SNX9: variants seen among roughly 807,000 people sequenced by gnomAD.
The protein encoded by SNX9 is sorting nexin 9.
Under a neutral mutation model 89.4 loss-of-function variants are expected in SNX9, and 44 were observed. That is an observed-to-expected ratio of 0.49 (90% CI 0.39 to 0.63). SNX9 has a LOEUF of 0.63. SNX9 is among the 30% of genes least tolerant of loss of function. SNX9 has a pLI of 0.00. For synonymous variants in SNX9, 236 were observed against 247.8 expected (o/e 0.95, Z 0.45); for missense variants, 578 against 736.1 (o/e 0.79, Z 2.49).
rs189884629 is a variant in SNX9, at chr6:157,919,560, T to A, written c.950-1971T>A. On this transcript the variant is annotated intron_variant, in intron 9 of 17. Coordinates refer to ENST00000392185, the MANE Select transcript of SNX9 (RefSeq NM_016224.5). ...TCCAGAATTTCCATGTGATTCTTTT[T>A]TGGTAACTTCTCTCTCCTTTTTGAA... Among the ~76,000 whole-genome samples the A allele has an allele frequency of 2.0e-5, 3 of 152,330 alleles. No homozygotes were observed. The East Asian group carries it at 5.8e-4, about 29-fold the overall frequency.
At chr6:157,925,429 A>G (rs1353298726) in intron 10 of SNX9, among the ~76,000 whole-genome samples, 10 of 152,050 alleles carry the variant, frequency 6.6e-5, no homozygotes. Flanking sequence ...AAAGTTTGGC[A>G]TTTACTGAAG....
At chr6:157,892,621 GAACA>G (rs1782887387) in intron 4 of SNX9, 4 of 152,186 alleles carry the variant, frequency 2.6e-5, no homozygotes. Context: ...GATTTTCAAA[GAACA>G]ATTATTTGTT....
Position 157,935,400 on chromosome 6 carries a change from C to T in SNX9, c.1367-564C>T, listed in dbSNP as rs112880879. On this transcript the variant is annotated intron_variant, in intron 13 of 17. Transcript: ENST00000392185. ...CTGATCAGGCCTCTAGGTCTAATAG[C>T]CAGTGTGAAGAGAACACAGGGACAG... Among the ~76,000 whole-genome samples the T allele has an allele frequency of 2.6e-3, 393 of 152,178 alleles. 2 individuals carry two copies. Among genetic ancestry groups the T allele is most frequent in the African/African-American group, 9.1e-3 (377 of 41,498 alleles).
intron 6 of SNX9, among the ~76,000 whole-genome samples, chr6:157,902,790 C>T (rs1280882389): frequency 6.6e-6 from 1 of 152,116 alleles, no homozygotes; most frequent in East Asian, 1.9e-4. Context: ...GCCTCAGCCA[C>T]CTGAGTAGCT....
chr6:157,891,286 C>T (rs1782854770), intron 4 of SNX9, among the ~76,000 whole-genome samples: 1 of 152,054 alleles, frequency 6.6e-6, no homozygotes, highest in Non-Finnish European at 1.5e-5. Flanking sequence ...GCCTCAGCCT[C>T]CCAAAATGTT....
At chr6:157,846,372 A>G (rs1385197629) in intron 1 of SNX9, among the ~76,000 whole-genome samples, 1 of 152,270 alleles carries the variant, frequency 6.6e-6, no homozygotes, top group African/African-American at 2.4e-5. Context: ...CTGTGAATCT[A>G]GAAAAGAAAT....
chr6:157,883,516 G>A lies in SNX9; in HGVS notation c.300+8340G>A, dbSNP rs925680914. 3.3e-5 allele frequency among the ~76,000 whole-genome samples: 5 copies of A among 152,144 alleles called. No individual in the cohort carries two copies. In the East Asian group the frequency reaches 9.6e-4, roughly 29 times the overall value. On this transcript the variant is annotated intron_variant, in intron 4 of 17. Coordinates refer to ENST00000392185, the MANE Select transcript of SNX9 (RefSeq NM_016224.5). ...GCAGACGCTGAACGGTTCATGGTAG[G>A]GAAACTGTAGAAGAAATTCATCTGA...
intron 12 of SNX9, among the ~76,000 whole-genome samples, chr6:157,929,426 A>G (rs1783763579): frequency 6.6e-6 from 1 of 152,186 alleles, no homozygotes; most frequent in South Asian, 2.1e-4. Flanking sequence ...CTGCGACTGC[A>G]CTGCTGTCCC....
chr6:157,879,192 T>A (rs2115146382), intron 4 of SNX9, among the ~76,000 whole-genome samples: 1 of 152,314 alleles, frequency 6.6e-6, no homozygotes, highest in East Asian at 1.9e-4. Context: ...GAACGCAGGT[T>A]TCTGGGCAAG....
At chr6:157,881,528 G>C (rs1782623541) in intron 4 of SNX9, among the ~76,000 whole-genome samples, 1 of 152,156 alleles carries the variant, frequency 6.6e-6, no homozygotes, top group African/African-American at 2.4e-5. Flanking sequence ...CTTGTCAAAA[G>C]CTGAAGCAGG....
chr6:157,842,396 T>G lies in SNX9; in HGVS notation c.12+18950T>G, dbSNP rs9364671. On this transcript the variant is annotated intron_variant, in intron 1 of 17. Transcript: ENST00000392185. ...TCCAGTGCTCTTATCAAAATCCTCA[T>G]GATGCAACTGCCCAATGGGTTCACC... 9.7e-4 allele frequency among the ~76,000 whole-genome samples: 148 copies of G among 152,256 alleles called. 6 individuals carry two copies. The South Asian group carries it at 0.023, about 24-fold the overall frequency.
intron 10 of SNX9, among the ~76,000 whole-genome samples, chr6:157,923,762 G>C (rs947116434): frequency 2.0e-5 from 3 of 152,200 alleles, no homozygotes; most frequent in African/African-American, 7.2e-5. Context: ...CCAACCAGTA[G>C]AGCAGAGTAG....
At chr6:157,905,384 T>G (rs187758883) in intron 6 of SNX9, among the ~76,000 whole-genome samples, 1 of 152,206 alleles carries the variant, frequency 6.6e-6, no homozygotes, top group East Asian at 1.9e-4. Context: ...AAAAGAAAAA[T>G]TCTAAAACCC....
intron 15 of SNX9, among the ~76,000 whole-genome samples, 154 bp downstream of exon 15, chr6:157,937,677 T>C (rs994451351): frequency 2.0e-5 from 3 of 152,240 alleles, no homozygotes; most frequent in African/African-American, 7.2e-5. Context: ...TGACATTGGT[T>C]TGGGGTGTCC....
At chr6:157,939,938 C>T (rs891940360) in intron 16 of SNX9, among the ~76,000 whole-genome samples, 7 of 151,138 alleles carry the variant, frequency 4.6e-5, no homozygotes, top group African/African-American at 1.2e-4. Flanking sequence ...CCTCTGATGA[C>T]GAAGACTCCT....
At chr6:157,849,825 G>T (rs1781874961) in intron 1 of SNX9, among the ~76,000 whole-genome samples, 1 of 152,156 alleles carries the variant, frequency 6.6e-6, no homozygotes, top group Non-Finnish European at 1.5e-5. Flanking sequence ...GCCTTGCTTG[G>T]TGTGTTGTGT....
chr6:157,879,515 A>G lies in SNX9; in HGVS notation c.300+4339A>G, dbSNP rs540979604. On this transcript the variant is annotated intron_variant, in intron 4 of 17. Coordinates refer to ENST00000392185, the MANE Select transcript of SNX9 (RefSeq NM_016224.5). ...ACTCTCTTCATTTTCTTATTCAAAT[A>G]CAGATTTTATATTACCCAGATAAGG... Among the ~76,000 whole-genome samples the G allele has an allele frequency of 2.0e-5, 3 of 152,364 alleles. No homozygotes were observed. In the South Asian group the frequency reaches 6.2e-4, roughly 32 times the overall value.
At chr6:157,867,459 A>G (rs1199936542) in intron 1 of SNX9, 88 bp from the exon 2 acceptor site, 6 of 1,025,560 alleles carry the variant, frequency 5.9e-6, no homozygotes, top group Non-Finnish European at 7.4e-6. Context: ...TTGTACCAGC[A>G]TGCTTAGAAA....
At chr6:157,915,303 A>G (rs1783437847) in intron 9 of SNX9, among the ~76,000 whole-genome samples, 2 of 152,168 alleles carry the variant, frequency 1.3e-5, no homozygotes, top group South Asian at 2.1e-4. Flanking sequence ...GTAAATTTAA[A>G]TGTCAGTTTG....
Sources: gnomAD v4.1 joint callset for allele counts (sites outside exome capture counted in the v4.1 genomes callset) on GRCh38, gnomAD v4.1.1 for gene constraint, MANE v1.5 for transcripts, NCBI Gene and HGNC (gene_info 2026-07-23, HGNC 2026-07-21) for gene names.